Variants in ALK observed in about 807,000 individuals in gnomAD.
ALK encodes the protein ALK tyrosine kinase receptor.
Under a neutral mutation model 163.1 loss-of-function variants are expected in ALK, and 74 were observed. That is an observed-to-expected ratio of 0.45 (90% CI 0.38 to 0.55). The LOEUF is 0.55. ALK is among the 20% of genes least tolerant of loss of function. The pLI, the probability that ALK is intolerant of heterozygous loss-of-function variation, is 0.00. For synonymous variants in ALK, 960 were observed against 843.2 expected (o/e 1.14, Z -2.40); for missense variants, 2,063 against 2,105.3 (o/e 0.98, Z 0.39).
intron 1 of ALK, among the ~76,000 whole-genome samples, chr2:29,911,042 T>A (rs535728503): frequency 6.6e-6 from 1 of 152,070 alleles, no homozygotes; most frequent in African/African-American, 2.4e-5. Flanking sequence ...ATCAGGAACA[T>A]TGAGGAAGAG....
chr2:29,786,790 T>TTTGTTTGC (rs1478005305), intron 1 of ALK, among the ~76,000 whole-genome samples: 1 of 151,518 alleles, frequency 6.6e-6, no homozygotes, highest in Admixed American at 6.6e-5. Context: ...GTTTGTTTGT[T>TTTGTTTGC]TTGTTTGTTT....
At chr2:29,701,172 T>C (rs1037372282) in intron 2 of ALK, among the ~76,000 whole-genome samples, 10 of 152,238 alleles carry the variant, frequency 6.6e-5, no homozygotes, top group African/African-American at 2.4e-4. Flanking sequence ...TGCTCCTTTG[T>C]ATCCAGACTG....
intron 8 of ALK, among the ~76,000 whole-genome samples, chr2:29,316,238 A>G (rs1666833558): frequency 6.6e-6 from 1 of 152,188 alleles, no homozygotes; most frequent in South Asian, 2.1e-4. Context: ...AACATTGGGA[A>G]TTCAAAGACC....
chr2:29,639,378 T>C (rs1390585323), intron 3 of ALK, among the ~76,000 whole-genome samples: 1 of 152,172 alleles, frequency 6.6e-6, no homozygotes, highest in Non-Finnish European at 1.5e-5. Context: ...GCACTGCCCC[T>C]GCCAGGACCA....
At chr2:29,203,573 G>A (rs1446668936) in intron 26 of ALK, among the ~76,000 whole-genome samples, 1 of 121,990 alleles carries the variant, frequency 8.2e-6, no homozygotes, top group Non-Finnish European at 1.6e-5. Context: ...TGCAACCTCC[G>A]CCTCCCAGGT....
Position 29,717,676 on chromosome 2 carries a change from G to A in ALK, c.689C>T (p.Pro230Leu), listed in dbSNP as rs1679303194. ...FGTGHSSLES[P>L]TNMPSPSPDY... ...AGGAGAAGGAGAAGGCATGTTTGTT[G>A]GTGATTCCAAGGAGCTATGACCTGG... Residue 230 changes from proline (P) to leucine (L), a missense_variant, in exon 2 of 29, where the codon CCA becomes CTA. Physicochemically the swap from Pro to Leu is moderately conservative, Grantham distance 98. This residue lies in a region of ALK where 987 missense variants were observed against 939.5 expected (regional missense o/e 1.05). Transcript: ENST00000389048. The A allele has an allele frequency of 2.5e-6, 4 of 1,613,982 alleles. No homozygotes were observed. The highest frequency in any genetic ancestry group is 3.4e-6 in the Non-Finnish European group (4 of 1,179,962).
chr2:29,534,263 G>A (rs1330021914), intron 3 of ALK, among the ~76,000 whole-genome samples: 1 of 152,176 alleles, frequency 6.6e-6, no homozygotes, highest in African/African-American at 2.4e-5. Flanking sequence ...ACCTCATCTT[G>A]CACCACAAGT....
chr2:29,692,166 G>A (rs1192048437), intron 3 of ALK, among the ~76,000 whole-genome samples: 1 of 152,110 alleles, frequency 6.6e-6, no homozygotes, highest in African/African-American at 2.4e-5. Context: ...AGCTGCAATG[G>A]GATGCTGTAT....
At chr2:29,766,759 C>T (rs1200890954) in intron 1 of ALK, among the ~76,000 whole-genome samples, 1 of 152,174 alleles carries the variant, frequency 6.6e-6, no homozygotes, top group Non-Finnish European at 1.5e-5. Flanking sequence ...CCTTTATGTA[C>T]TTTTCCACCT....
intron 5 of ALK, among the ~76,000 whole-genome samples, chr2:29,349,785 T>C (rs1668061501): frequency 6.6e-6 from 1 of 152,184 alleles, no homozygotes; most frequent in South Asian, 2.1e-4. Context: ...ACCTAGGATG[T>C]GCCCTGCTCA....
chr2:29,310,283 T>C (rs1328826685), intron 8 of ALK, among the ~76,000 whole-genome samples: 1 of 152,198 alleles, frequency 6.6e-6, no homozygotes, highest in Non-Finnish European at 1.5e-5. Context: ...AGTTTCTGTA[T>C]CAATAAATGG....
At chr2:29,216,019 T>A (rs1293206050) in intron 23 of ALK, among the ~76,000 whole-genome samples, 1 of 152,192 alleles carries the variant, frequency 6.6e-6, no homozygotes, top group African/African-American at 2.4e-5. Flanking sequence ...AATGGCTCCT[T>A]GTGTTTGGCT....
chr2:29,208,300 C>CAA (rs2148153362), intron 25 of ALK, among the ~76,000 whole-genome samples: 1 of 152,182 alleles, frequency 6.6e-6, no homozygotes, highest in South Asian at 2.1e-4. Flanking sequence ...TGCCATTGTA[C>CAA]AAAGTGCAGA....
intron 1 of ALK, among the ~76,000 whole-genome samples, chr2:29,787,493 T>C (rs6711991): frequency 0.063 from 9,600 of 152,238 alleles, 754 homozygotes; most frequent in African/African-American, 0.18. Flanking sequence ...TATGTGAAGA[T>C]AAACAATGCA....
chr2:29,793,184 C>T (rs763044476), intron 1 of ALK, among the ~76,000 whole-genome samples: 2 of 152,122 alleles, frequency 1.3e-5, no homozygotes, highest in African/African-American at 2.4e-5. Context: ...CTCAAAACAC[C>T]ACTTTCTTTG....
At chr2:29,308,806 A>G (rs1248929785) in intron 8 of ALK, among the ~76,000 whole-genome samples, 1 of 152,184 alleles carries the variant, frequency 6.6e-6, no homozygotes, top group Non-Finnish European at 1.5e-5. Context: ...CCTGCATGGA[A>G]AAGAGCAGGC....
In ALK at chr2:29,209,912, T is replaced by A. The variant is rs1303669219; in HGVS notation, c.3744-34A>T. ...AAAGGAAATGCATTTCCTAATTTTA[T>A]CCCTAGGAAGATGAGTGTACAACGG... is the stretch of plus-strand genomic sequence containing the variant. On this transcript the variant is annotated intron_variant, in intron 24 of 28. Coordinates refer to ENST00000389048, the MANE Select transcript of ALK (RefSeq NM_004304.5). The A allele has an allele frequency of 2.6e-6, 4 of 1,563,672 alleles. No individual in the cohort carries two copies. In the South Asian group the frequency reaches 4.4e-5, roughly 17 times the overall value.
chr2:29,807,053 A>C (rs192711246), intron 1 of ALK, among the ~76,000 whole-genome samples: 141 of 152,374 alleles, frequency 9.3e-4, no homozygotes, highest in African/African-American at 3.2e-3. Context: ...AGCAATCCTT[A>C]GCAAGGATTA....
intron 1 of ALK, among the ~76,000 whole-genome samples, chr2:29,893,283 G>T (rs750790719): frequency 6.6e-6 from 1 of 152,086 alleles, no homozygotes; most frequent in African/African-American, 2.4e-5. Flanking sequence ...TCCTGATCAG[G>T]TATTTAAAGA....
Sources: allele counts gnomAD v4.1 joint callset (sites outside exome capture counted in the v4.1 genomes callset), GRCh38; gene constraint gnomAD v4.1.1; regional missense constraint gnomAD v4.1.1; transcripts MANE v1.5; gene names NCBI Gene and HGNC (gene_info 2026-07-23, HGNC 2026-07-21).